Variants in TPST2 observed in about 807,000 individuals in gnomAD.
TPST2 encodes protein-tyrosine sulfotransferase 2.
TPST2 carries 16 observed loss-of-function variants against 27.8 expected under a neutral mutation model. The ratio of observed to expected loss-of-function variants is 0.58; its 90% CI spans 0.39 to 0.88. The LOEUF (loss-of-function observed/expected upper bound fraction) is 0.88. Ranked by LOEUF, TPST2 falls within the 40% of genes least tolerant of loss-of-function variation. The pLI, the probability that TPST2 is intolerant of heterozygous loss-of-function variation, is 0.00. For synonymous variants in TPST2, 229 were observed against 231.7 expected (o/e 0.99, Z 0.10); for missense variants, 464 against 543.1 (o/e 0.85, Z 1.45).
At chr22:26,537,398 C>G (rs1159585993) in intron 3 of TPST2, among the ~76,000 whole-genome samples, 1 of 152,168 alleles carries the variant, frequency 6.6e-6, no homozygotes, top group African/African-American at 2.4e-5. Context: ...CTGGGGTTGT[C>G]TGAAGAGTAA....
At position 26,541,262 on chromosome 22, in the gene TPST2, C is replaced by T; in HGVS notation, c.369G>A (p.Leu123=). ...CCTCATCCGTCACCCCCGCCTCATC[C>T]AGCCGCAGCTTCTCACGGCCAGACT... ...WSKSGREKLR[L]DEAGVTDEVL... is the part of the protein sequence containing the mutation. The change falls in exon 3 of 7, where the codon CTG becomes CTA. Residue 123 remains leucine (L), a synonymous_variant. Coordinates refer to ENST00000338754, the MANE Select transcript of TPST2 (RefSeq NM_003595.5). This position sits in a 1 kb window ranked among gnomAD's most constrained non-coding sequence, Gnocchi z 5.9. 1 of 1,538,738 alleles carries T rather than the reference C, an allele frequency of 6.5e-7. No individual in the cohort carries two copies. The highest frequency in any genetic ancestry group is 1.8e-4 in the Middle Eastern group (1 of 5,692).
At chr22:26,540,330 T>C (rs1201622406) in intron 3 of TPST2, among the ~76,000 whole-genome samples, 1 of 152,132 alleles carries the variant, frequency 6.6e-6, no homozygotes, top group African/African-American at 2.4e-5. Flanking sequence ...CTGGGTGTGG[T>C]GGCTCATGCC....
chr22:26,532,706 C>A lies in TPST2; in HGVS notation c.1081G>T (p.Gly361Ter). The A allele has an allele frequency of 6.2e-7, 1 of 1,613,946 alleles. No homozygotes were observed. Among genetic ancestry groups the A allele is most frequent in the Non-Finnish European group, 8.5e-7 (1 of 1,179,880 alleles). ...TTGGGGTTTCTAACCTGAAAATATC[C>A]TTTCAGATTGGCTGGTGTTTTATAG... ...GDYKTPANLK[G>*]YFQVNQNSTS... is the part of the protein sequence containing the mutation. Residue 361 changes from glycine to a stop codon, truncating the protein, a stop_gained, in exon 5 of 7, where the codon GGA (glycine) becomes TGA (stop). Transcript: ENST00000338754. LOFTEE classifies it high-confidence loss of function.
At chr22:26,556,157 A>T (rs1926780243) in intron 1 of TPST2, among the ~76,000 whole-genome samples, 1 of 152,230 alleles carries the variant, frequency 6.6e-6, no homozygotes, top group African/African-American at 2.4e-5. Flanking sequence ...CTGCTCCTTT[A>T]TTAAAGCAAT....
chr22:26,581,806 AGAT>A (rs1928125496), intron 1 of TPST2, among the ~76,000 whole-genome samples: 1 of 152,222 alleles, frequency 6.6e-6, no homozygotes, highest in Admixed American at 6.5e-5. Context: ...GGGACTCAAA[AGAT>A]GATTAGAAAA....
At chr22:26,536,228 C>T (rs1449228663) in intron 4 of TPST2, 60 bp downstream of exon 4, 12 of 1,588,558 alleles carry the variant, frequency 7.6e-6, no homozygotes, top group Non-Finnish European at 1.0e-5. Flanking sequence ...GGAGTTTCCA[C>T]ATCTGCAGAA....
chr22:26,530,966 C>T (rs937962098), intron 5 of TPST2, among the ~76,000 whole-genome samples: 2 of 151,542 alleles, frequency 1.3e-5, no homozygotes, highest in African/African-American at 4.9e-5. Flanking sequence ...CCGAGATCAC[C>T]GCATTGCACT....
chr22:26,588,190 C>G lies in TPST2; in HGVS notation c.-161+1863G>C, dbSNP rs1466806236. On this transcript the variant is annotated intron_variant, in intron 1 of 6. Coordinates refer to ENST00000338754, the MANE Select transcript of TPST2 (RefSeq NM_003595.5). ...AATATTATGCAGCCATAAAAAGGAA[C>G]GAAGTACTTAAAAAAAAAAAAAGGA... Among the ~76,000 whole-genome samples, 3 of 108,902 alleles carry G rather than the reference C, an allele frequency of 2.8e-5. No homozygotes were observed. In the East Asian group the frequency reaches 9.0e-4, roughly 33 times the overall value. 71.4% of individuals were successfully genotyped at this position (108,902 alleles called of 152,430 possible). A position where few individuals can be genotyped will look rare whatever the true frequency, so the allele number is the denominator to read the frequency against.
At chr22:26,570,041 A>AGAC (rs1569193925) in intron 1 of TPST2, among the ~76,000 whole-genome samples, 17 of 103,386 alleles carry the variant, frequency 1.6e-4, no homozygotes, top group African/African-American at 5.0e-4. Flanking sequence ...GAAAGAAAGA[A>AGAC]AGACAGAAAG....
intron 3 of TPST2, among the ~76,000 whole-genome samples, chr22:26,538,895 C>T (rs1288409022): frequency 2.0e-5 from 3 of 152,106 alleles, no homozygotes; most frequent in Non-Finnish European, 4.4e-5. Context: ...CCCACACCAC[C>T]GTGGAAAAAG....
At chr22:26,589,729 G>GT (rs1040695315) in intron 1 of TPST2, among the ~76,000 whole-genome samples, 2 of 152,140 alleles carry the variant, frequency 1.3e-5, no homozygotes, top group Non-Finnish European at 2.9e-5. Flanking sequence ...CTCCCCCCCA[G>GT]TCCCCCCGCC....
rs145508759 is a variant in TPST2 at position 26,570,549 on chromosome 22, G to C, written c.-161+19504C>G. Among the ~76,000 whole-genome samples the C allele has an allele frequency of 5.0e-3, 768 of 152,268 alleles. 5 individuals are homozygous for C. The highest frequency in any genetic ancestry group is 0.017 in the African/African-American group (698 of 41,544). On this transcript the variant is annotated intron_variant, in intron 1 of 6. Transcript: ENST00000338754. ...TATCAGGAGGTCACACTTGGCTACTGTGGCCCTCTCTCCTCCCTCCAGTTC... is the reference window on the plus strand; with the variant it reads ...TATCAGGAGGTCACACTTGGCTACTCTGGCCCTCTCTCCTCCCTCCAGTTC...
At chr22:26,563,179 G>A (rs1305044921) in intron 1 of TPST2, among the ~76,000 whole-genome samples, 1 of 152,156 alleles carries the variant, frequency 6.6e-6, no homozygotes, top group East Asian at 1.9e-4. Context: ...CATTGCTTGA[G>A]CACCTACTGG....
At chr22:26,535,255 C>T (rs4149478) in intron 4 of TPST2, among the ~76,000 whole-genome samples, 71,744 of 152,134 alleles carry the variant, frequency 0.47, 17,917 homozygotes, top group Non-Finnish European at 0.56. Flanking sequence ...AATCAGCACA[C>T]GCTCAGAAAT....
At chr22:26,535,600 G>A (rs769334467) in intron 4 of TPST2, among the ~76,000 whole-genome samples, 8 of 152,152 alleles carry the variant, frequency 5.3e-5, no homozygotes, top group East Asian at 1.9e-4. Flanking sequence ...GCAACGTAGC[G>A]AGACCCCGCC....
At chr22:26,546,271 A>G (rs1445433084) in intron 1 of TPST2, among the ~76,000 whole-genome samples, 1 of 152,138 alleles carries the variant, frequency 6.6e-6, no homozygotes, top group Admixed American at 6.5e-5. Flanking sequence ...TGGAAAAGGG[A>G]ACCAAGGTGT....
intron 1 of TPST2, among the ~76,000 whole-genome samples, chr22:26,585,405 G>A (rs902397107): frequency 6.6e-6 from 1 of 152,166 alleles, no homozygotes; most frequent in African/African-American, 2.4e-5. Flanking sequence ...ATCTCAAGCA[G>A]CTCTGAATGA....
intron 3 of TPST2, among the ~76,000 whole-genome samples, chr22:26,540,449 A>T (rs1008254726): frequency 5.9e-5 from 9 of 152,158 alleles, no homozygotes; most frequent in African/African-American, 2.2e-4. Flanking sequence ...AAATACAAAA[A>T]TTAGCCCAGC....
chr22:26,552,574 A>G (rs1926540803), intron 1 of TPST2, among the ~76,000 whole-genome samples: 1 of 152,166 alleles, frequency 6.6e-6, no homozygotes. Context: ...CTGTGAAGTC[A>G]TAAAACCCAT....
Sources: gnomAD v4.1 joint callset for allele counts (sites outside exome capture counted in the v4.1 genomes callset) on GRCh38, gnomAD v4.1.1 for gene constraint, Gnocchi (gnomAD v3.1) non-coding constraint, MANE v1.5 for transcripts, NCBI Gene and HGNC (gene_info 2026-07-23, HGNC 2026-07-21) for gene names.